The following LRRC47 variants were observed in gnomAD, a reference collection of about 807,000 sequenced individuals.
The protein encoded by LRRC47 is leucine rich repeat containing 47, also known as leucine-rich repeat-containing protein 47.
LRRC47 carries 31 observed loss-of-function variants against 40.9 expected under a neutral mutation model. The observed-to-expected ratio is 0.76, with a 90% confidence interval of 0.57 to 1.02. LRRC47 has a LOEUF of 1.02. Ranked by LOEUF, LRRC47 falls within the 50% of genes least tolerant of loss-of-function variation. LRRC47 has a pLI of 0.00. For missense variants in LRRC47, 726 were observed against 796.1 expected (o/e 0.91, Z 1.06); for synonymous variants, 427 against 371.9 (o/e 1.15, Z -1.70).
At chr1:3,782,932 C>G in intron 4 of LRRC47, 169 bp from the exon 5 acceptor site, 1 of 605,264 alleles carries the variant, frequency 1.7e-6, no homozygotes, top group South Asian at 1.9e-5. Context: ...TACGCTAAGT[C>G]TGTCATCACT....
intron 1 of LRRC47, among the ~76,000 whole-genome samples, chr1:3,791,397 CCA>C (rs1157448798): frequency 2.6e-5 from 4 of 152,256 alleles, no homozygotes; most frequent in Non-Finnish European, 1.5e-5. Flanking sequence ...CGGCACGCAG[CCA>C]CAGAGAGACA....
intron 2 of LRRC47, among the ~76,000 whole-genome samples, chr1:3,785,919 G>GTC (rs1643567885): frequency 1.3e-5 from 2 of 151,126 alleles, no homozygotes; most frequent in Non-Finnish European, 2.9e-5. Flanking sequence ...ACCCAGGCTG[G>GTC]AATGCGGTGG....
In LRRC47 at chr1:3,785,188, C is replaced by A; in HGVS notation, c.1093G>T (p.Asp365Tyr). Reference sequence around the variant, plus strand: ...GCAGCCGTCCTCTTCTCACAGAGATCTTCGTGGAGCTTGGTCTGTAACACA... The same window carrying A: ...GCAGCCGTCCTCTTCTCACAGAGATATTCGTGGAGCTTGGTCTGTAACACA... ...FLTSQTKLHEDLCEKRTAATL... is the reference protein window; with the variant it reads ...FLTSQTKLHEYLCEKRTAATL... The change falls in exon 3 of 7, where the codon GAT (aspartate) becomes TAT (tyrosine). Residue 365 changes from aspartate to tyrosine, a missense_variant. Asp to Tyr is a radical substitution (Grantham distance 160). Transcript: ENST00000378251. The A allele has an allele frequency of 6.3e-7, 1 of 1,576,054 alleles. No individual in the cohort carries two copies. The highest frequency in any genetic ancestry group is 8.6e-7 in the Non-Finnish European group (1 of 1,163,174).
In LRRC47 at chr1:3,795,877, G is replaced by C. The variant is rs1451989357; in HGVS notation, c.600C>G (p.His200Gln). The C allele has an allele frequency of 6.3e-7, 1 of 1,590,798 alleles. No individual in the cohort carries two copies. Among genetic ancestry groups the C allele is most frequent in the Admixed American group, 1.7e-5 (1 of 58,712 alleles). ...CCCCGCTGACCTTGAGCGAGGCCAG[G>C]TGGGCGATGTCGGGGCTGAGTTCTC... ...CLRELSPDIAHLASLKTLDLS... is the reference protein window; with the variant it reads ...CLRELSPDIAQLASLKTLDLS... Residue 200 changes from histidine (H) to glutamine (Q), a missense_variant, in exon 1 of 7, where the codon CAC becomes CAG. His to Gln is a conservative substitution (Grantham distance 24). Coordinates refer to ENST00000378251, the MANE Select transcript of LRRC47 (RefSeq NM_020710.3).
rs534304554 is a variant in LRRC47 at position 3,786,763 on chromosome 1, C to G, written c.1077+86G>C. 6.2e-6 allele frequency: 8 copies of G among 1,297,256 alleles called. No homozygotes were observed. The African/African-American group carries it at 1.2e-4, about 19-fold the overall frequency. 80.4% of individuals were successfully genotyped at this position (1,297,256 alleles called of 1,614,324 possible). ...GCCCCATACTCCACTGCTGCTCCTT[C>G]GGACACGCTGGCCTCAGGATGTGTC... is the stretch of plus-strand genomic sequence containing the variant. On this transcript the variant is annotated intron_variant, in intron 2 of 6. Transcript: ENST00000378251.
rs1014327641 is a variant in LRRC47 at position 3,785,140 on chromosome 1, G to A, written c.1141C>T (p.Arg381Cys). 7 of 1,600,450 alleles carry A rather than the reference G, an allele frequency of 4.4e-6. No individual in the cohort carries two copies. In the African/African-American group the frequency reaches 5.4e-5, roughly 12 times the overall value. ...TACAGCAGGGGCCCTTTGACGGCAC[G>A]GAGCTCGTGGGTGGCAAGGGTGGCA... ...TAATLATHEL[R>C]AVKGPLLYCA... Residue 381 changes from arginine (R) to cysteine (C), a missense_variant, in exon 3 of 7, where the codon CGT becomes TGT. Transcript: ENST00000378251.
intron 1 of LRRC47, among the ~76,000 whole-genome samples, chr1:3,791,300 A>G (rs1643624426): frequency 6.6e-6 from 1 of 152,164 alleles, no homozygotes. Context: ...AATGACCAGC[A>G]CTACCTCCCC....
intron 5 of LRRC47, 26 bp from the exon 6 acceptor site, chr1:3,781,627 A>C: frequency 6.4e-7 from 1 of 1,568,664 alleles, no homozygotes; most frequent in South Asian, 1.1e-5. Context: ...CATTTCAGAA[A>C]AGAACAGTTA....
At chr1:3,794,484 C>T (rs1223175381) in intron 1 of LRRC47, among the ~76,000 whole-genome samples, 1 of 151,852 alleles carries the variant, frequency 6.6e-6, no homozygotes, top group African/African-American at 2.4e-5. Flanking sequence ...GTAGCTGGGA[C>T]TACAGGCACG....
intron 1 of LRRC47, 152 bp downstream of exon 1, chr1:3,795,710 C>A: frequency 3.8e-6 from 4 of 1,058,306 alleles, no homozygotes; most frequent in South Asian, 1.9e-5. Context: ...GGGGTGATGC[C>A]CCCCGCAGCT....
chr1:3,786,093 C>G (rs1643569929), intron 2 of LRRC47, among the ~76,000 whole-genome samples: 1 of 150,312 alleles, frequency 6.7e-6, no homozygotes, highest in East Asian at 2.1e-4. Flanking sequence ...TGGTCTCAAA[C>G]TCCTGACCTC....
Position 3,782,683 on chromosome 1 carries a change from AT to A in LRRC47, c.1390del (p.Ile464Ter), listed in dbSNP as rs761340952. The stretch of plus-strand genomic sequence containing the variant: ...TACCTTTGTCTTCTCACTGTTGGTT[AT>A]TGGTGGGAAGGAAATCACATCACCG... ...ADGDVISFPP[I>X]TNSEKTKVKK... is the part of the protein sequence containing the mutation. On this transcript the variant is annotated frameshift_variant, in exon 5 of 7. Coordinates refer to ENST00000378251, the MANE Select transcript of LRRC47 (RefSeq NM_020710.3). LOFTEE classifies it high-confidence loss of function. 1.9e-6 allele frequency: 3 copies of A among 1,607,812 alleles called. No individual in the cohort carries two copies. The highest frequency in any genetic ancestry group is 8.5e-7 in the Non-Finnish European group (1 of 1,174,176).
At chr1:3,794,096 G>A (rs1643651846) in intron 1 of LRRC47, among the ~76,000 whole-genome samples, 1 of 152,020 alleles carries the variant, frequency 6.6e-6, no homozygotes, top group Admixed American at 6.6e-5. Context: ...TCGGGAGGCT[G>A]AGGCAGGAGA....
intron 3 of LRRC47, among the ~76,000 whole-genome samples, chr1:3,784,713 A>G (rs1570736467): frequency 6.6e-6 from 1 of 152,230 alleles, no homozygotes; most frequent in East Asian, 1.9e-4. Context: ...GAAAATGTTC[A>G]GGCCGGGTGC....
intron 1 of LRRC47, among the ~76,000 whole-genome samples, chr1:3,790,650 G>A (rs1447742514): frequency 2.6e-5 from 4 of 152,262 alleles, no homozygotes; most frequent in South Asian, 4.1e-4. Flanking sequence ...GTGGCTCTGA[G>A]GCCAGGACAC....
chr1:3,787,269 T>C lies in LRRC47; in HGVS notation c.657A>G (p.Ala219=), dbSNP rs752068016. 1.9e-6 allele frequency: 3 copies of C among 1,613,124 alleles called. No individual in the cohort carries two copies. The highest frequency in any genetic ancestry group is 1.7e-5 in the Admixed American group (1 of 59,998). ...TGAGCTTGGGGCAGTCCGCAAGCTCTGCAGGGATCTCGCTCAGCTGGTTGT... is the reference window on the plus strand; with the variant it reads ...TGAGCTTGGGGCAGTCCGCAAGCTCCGCAGGGATCTCGCTCAGCTGGTTGT... ...LSNNQLSEIP[A]ELADCPKLKE... is the part of the protein sequence containing the mutation. Residue 219 remains alanine, a synonymous_variant, in exon 2 of 7, where the codon GCA becomes GCG. Coordinates refer to ENST00000378251, the MANE Select transcript of LRRC47 (RefSeq NM_020710.3).
rs181787551 is a variant in LRRC47 at position 3,780,387 on chromosome 1, G to A, written c.*701C>T. The A allele has an allele frequency of 2.0e-5, 3 of 152,116 alleles. No homozygotes were observed. Among genetic ancestry groups the A allele is most frequent in the African/African-American group, 7.2e-5 (3 of 41,426 alleles). 9.4% of individuals were successfully genotyped at this position (152,116 alleles called of 1,614,324 possible). ...GAGAATATTGTGGATCCGCTGTCAG[G>A]TAAGTGTCCGTCACTGACCCAGACG... On this transcript the variant is annotated 3_prime_UTR_variant, in exon 7 of 7. Coordinates refer to ENST00000378251, the MANE Select transcript of LRRC47 (RefSeq NM_020710.3).
At position 3,787,903 on chromosome 1, in the gene LRRC47, T is replaced by G. The variant is rs1419301118; in HGVS notation, c.616-593A>C. On this transcript the variant is annotated intron_variant, in intron 1 of 6. Coordinates refer to ENST00000378251, the MANE Select transcript of LRRC47 (RefSeq NM_020710.3). ...GAAAGCCGACTTCAACGGCGATGGG[T>G]TCTCAGCCTTCGTCTGACCCAGGAC... Among the ~76,000 whole-genome samples the G allele has an allele frequency of 3.9e-5, 6 of 152,118 alleles. No individual in the cohort carries two copies. The East Asian group carries it at 1.2e-3, about 30-fold the overall frequency.
chr1:3,787,318 G>C lies in LRRC47; in HGVS notation c.616-8C>G. ...GTTCGAGAGGTCCAACGTCTGCAAA[G>C]AGAAACATGGACGCGTCAGACGCCC... On this transcript the variant is annotated splice_region_variant and splice_polypyrimidine_tract_variant and intron_variant, in intron 1 of 6. Coordinates refer to ENST00000378251, the MANE Select transcript of LRRC47 (RefSeq NM_020710.3). 1.2e-6 allele frequency: 2 copies of C among 1,604,552 alleles called. No individual in the cohort carries two copies. The highest frequency in any genetic ancestry group is 1.7e-6 in the Non-Finnish European group (2 of 1,177,226).
Sources: gnomAD v4.1 joint callset for allele counts (sites outside exome capture counted in the v4.1 genomes callset) on GRCh38, gnomAD v4.1.1 for gene constraint, MANE v1.5 for transcripts, NCBI Gene and HGNC (gene_info 2026-07-23, HGNC 2026-07-21) for gene names.